Variants in SH3GL2 observed in about 807,000 individuals in gnomAD.
SH3GL2 encodes endophilin-A1.
Under a neutral mutation model 46.0 loss-of-function variants are expected in SH3GL2, and 24 were observed. The observed-to-expected ratio is 0.52, with a 90% confidence interval of 0.38 to 0.73. The LOEUF (loss-of-function observed/expected upper bound fraction) is 0.73. Among genes scored for constraint, SH3GL2 ranks in the 30% least tolerant of loss-of-function variants. The probability of loss-of-function intolerance (pLI) is 0.00; values close to 1 mark genes in which losing one functional copy is unlikely to be tolerated. For missense variants in SH3GL2, 413 were observed against 424.2 expected, an observed-to-expected ratio of 0.97 and a Z score of 0.23; for synonymous variants, 196 against 147.1, an observed-to-expected ratio of 1.33 and a Z score of -2.40.
At chr9:17,749,274 C>T (rs757363613) in intron 2 of SH3GL2, among the ~76,000 whole-genome samples, 4 of 152,218 alleles carry the variant, frequency 2.6e-5, no homozygotes, top group Admixed American at 2.0e-4. Context: ...TCATCTTCTA[C>T]GGCATCTGAG....
At chr9:17,619,145 G>A (rs933295128) in intron 1 of SH3GL2, among the ~76,000 whole-genome samples, 2 of 152,256 alleles carry the variant, frequency 1.3e-5, no homozygotes, top group South Asian at 4.1e-4. Flanking sequence ...TGCAGAAGCC[G>A]TGGCATAGTA....
chr9:17,718,496 G>A lies in SH3GL2; in HGVS notation c.46-28570G>A, dbSNP rs191626908. On this transcript the variant is annotated intron_variant, in intron 1 of 8. Coordinates refer to ENST00000380607, the MANE Select transcript of SH3GL2 (RefSeq NM_003026.5). ...GCCACACTTTGGGACGCCAAGGCGGGTGGATTGCTTGAGCCCAGGAGTTTG... is the reference window on the plus strand; with the variant it reads ...GCCACACTTTGGGACGCCAAGGCGGATGGATTGCTTGAGCCCAGGAGTTTG... 1.8e-3 allele frequency among the ~76,000 whole-genome samples: 280 copies of A among 152,220 alleles called. 2 individuals are homozygous for A. Among genetic ancestry groups the A allele is most frequent in the African/African-American group, 6.3e-3 (263 of 41,554 alleles).
intron 1 of SH3GL2, among the ~76,000 whole-genome samples, chr9:17,607,386 A>G (rs1256675925): frequency 6.6e-6 from 1 of 152,254 alleles, no homozygotes; most frequent in Non-Finnish European, 1.5e-5. Flanking sequence ...ACGATTAAAA[A>G]TAGTATAACT....
At chr9:17,767,443 C>T (rs1359648883) in intron 3 of SH3GL2, among the ~76,000 whole-genome samples, 1 of 152,140 alleles carries the variant, frequency 6.6e-6, no homozygotes, top group Non-Finnish European at 1.5e-5. Flanking sequence ...TGAATAAATA[C>T]AGTGATTATA....
chr9:17,645,740 C>A (rs536828087), intron 1 of SH3GL2, among the ~76,000 whole-genome samples: 1 of 152,142 alleles, frequency 6.6e-6, no homozygotes, highest in Non-Finnish European at 1.5e-5. Context: ...CTGAGAGATC[C>A]GCTGTTAGTC....
chr9:17,775,677 G>T (rs1489478246), intron 3 of SH3GL2, among the ~76,000 whole-genome samples: 2 of 152,294 alleles, frequency 1.3e-5, no homozygotes, highest in East Asian at 3.9e-4. Context: ...CTATAAGACA[G>T]ATAGGGATGA....
At chr9:17,637,241 A>G (rs983901646) in intron 1 of SH3GL2, among the ~76,000 whole-genome samples, 4 of 152,186 alleles carry the variant, frequency 2.6e-5, no homozygotes, top group African/African-American at 7.2e-5. Context: ...TTAGCCATAT[A>G]TATCTTATTA....
intron 1 of SH3GL2, among the ~76,000 whole-genome samples, chr9:17,588,788 G>A (rs1818426480): frequency 6.6e-6 from 1 of 152,192 alleles, no homozygotes; most frequent in Admixed American, 6.5e-5. Flanking sequence ...TAATAAATGG[G>A]TATTGTTTTA....
At chr9:17,698,927 C>T (rs11793089) in intron 1 of SH3GL2, among the ~76,000 whole-genome samples, 11,940 of 151,990 alleles carry the variant, frequency 0.079, 619 homozygotes, top group Admixed American at 0.14. Context: ...GAGGCCAAGG[C>T]GGGTGGCTCA....
chr9:17,738,871 GA>G (rs1247001946), intron 1 of SH3GL2, among the ~76,000 whole-genome samples: 12 of 152,112 alleles, frequency 7.9e-5, no homozygotes, highest in African/African-American at 2.4e-4. Context: ...CCCACATTAT[GA>G]AGGATAATCT....
chr9:17,601,833 G>C (rs930236454), intron 1 of SH3GL2, among the ~76,000 whole-genome samples: 2 of 152,164 alleles, frequency 1.3e-5, no homozygotes, highest in Non-Finnish European at 2.9e-5. Context: ...AATCCTATTG[G>C]TGGGAAATCT....
intron 1 of SH3GL2, among the ~76,000 whole-genome samples, chr9:17,604,127 C>A (rs545654109): frequency 6.6e-6 from 1 of 152,270 alleles, no homozygotes; most frequent in African/African-American, 2.4e-5. Context: ...CCAACACTTT[C>A]ACTTCATACG....
chr9:17,779,706 T>G (rs1823744417), intron 3 of SH3GL2, among the ~76,000 whole-genome samples: 1 of 152,190 alleles, frequency 6.6e-6, no homozygotes, highest in African/African-American at 2.4e-5. Context: ...ATCTTCTGCT[T>G]CTTTCTGTTA....
At chr9:17,677,168 A>G (rs1255169369) in intron 1 of SH3GL2, among the ~76,000 whole-genome samples, 1 of 141,744 alleles carries the variant, frequency 7.1e-6, no homozygotes, top group Non-Finnish European at 1.5e-5. Flanking sequence ...GAAGATTTGA[A>G]AAACATTTTT....
chr9:17,586,999 T>A lies in SH3GL2; in HGVS notation c.45+7712T>A, dbSNP rs1818389856. Among the ~76,000 whole-genome samples the A allele has an allele frequency of 2.0e-5, 3 of 152,102 alleles. No individual in the cohort carries two copies. The South Asian group carries it at 6.2e-4, about 32-fold the overall frequency. On this transcript the variant is annotated intron_variant, in intron 1 of 8. Transcript: ENST00000380607. ...AGGCAGGCAGATCACTTGAGGAGTT[T>A]GAGACCAGCTTGGCCAACATGGCAA...
chr9:17,725,321 A>G (rs1821993749), intron 1 of SH3GL2, among the ~76,000 whole-genome samples: 2 of 152,020 alleles, frequency 1.3e-5, no homozygotes, highest in Admixed American at 1.3e-4. Context: ...CTTTGTCTCT[A>G]GGGGTGAGTG....
At chr9:17,766,317 G>A (rs2209426) in intron 3 of SH3GL2, among the ~76,000 whole-genome samples, 124,419 of 152,194 alleles carry the variant, frequency 0.82, 51,155 homozygotes, top group East Asian at 0.96. Flanking sequence ...GCAATAGCAT[G>A]AACCAGTACA....
intron 1 of SH3GL2, among the ~76,000 whole-genome samples, chr9:17,680,771 C>T (rs936405673): frequency 6.6e-5 from 10 of 152,052 alleles, no homozygotes; most frequent in African/African-American, 2.2e-4. Flanking sequence ...GCATTTAGTG[C>T]TATAAATTTC....
chr9:17,655,996 C>T (rs964076457), intron 1 of SH3GL2, among the ~76,000 whole-genome samples: 8 of 152,200 alleles, frequency 5.3e-5, no homozygotes, highest in African/African-American at 1.9e-4. Context: ...TGGCACATCT[C>T]TTAAATTCTC....
Sources: gnomAD v4.1 joint callset for allele counts (sites outside exome capture counted in the v4.1 genomes callset) on GRCh38, gnomAD v4.1.1 for gene constraint, MANE v1.5 for transcripts, NCBI Gene and HGNC (gene_info 2026-07-23, HGNC 2026-07-21) for gene names.